Variants in RFX7 observed in about 807,000 individuals in gnomAD.
The protein encoded by RFX7 is DNA-binding protein RFX7.
RFX7 carries 26 observed loss-of-function variants against 111.8 expected under a neutral mutation model. The observed-to-expected ratio is 0.23, with a 90% CI of 0.17 to 0.32. RFX7 has a LOEUF of 0.32. Ranked by LOEUF, RFX7 falls within the 10% of genes least tolerant of loss-of-function variation. The pLI is 1.00. For missense variants in RFX7, 1,573 were observed against 1,772.9 expected (o/e 0.89, Z 2.02); for synonymous variants, 624 against 624.4 (o/e 1.00, Z 0.01).
intron 2 of RFX7, among the ~76,000 whole-genome samples, chr15:56,237,654 T>C (rs555504853): frequency 6.6e-6 from 1 of 152,336 alleles, no homozygotes; most frequent in Admixed American, 6.5e-5. Flanking sequence ...CATACCATCA[T>C]TCAAGACACC....
rs2041765235 is a variant in RFX7, at chr15:56,102,331, A to T, written c.519-78T>A. On this transcript the variant is annotated intron_variant, in intron 6 of 9. Coordinates refer to ENST00000559447, the MANE Select transcript of RFX7 (RefSeq NM_022841.7). ...GACAGCACTTTAAAAGTAACCATATATGAAATGAGAAAAAAAAATCAACAT... is the reference window on the plus strand; with the variant it reads ...GACAGCACTTTAAAAGTAACCATATTTGAAATGAGAAAAAAAAATCAACAT... 9.0e-6 allele frequency: 7 copies of T among 775,370 alleles called. No homozygotes were observed. In the African/African-American group the frequency reaches 1.1e-4, roughly 12 times the overall value. The allele number at this position is 775,370 out of a possible 1,614,324, so 48.0% of individuals were successfully genotyped here.
rs184940747 is a variant in RFX7 at position 56,181,688 on chromosome 15, A to C, written c.162-2385T>G. Among the ~76,000 whole-genome samples the C allele has an allele frequency of 4.6e-3, 700 of 152,328 alleles. 9 individuals are homozygous for C. The highest frequency in any genetic ancestry group is 0.011 in the Admixed American group (167 of 15,304). On this transcript the variant is annotated intron_variant, in intron 2 of 9. Coordinates refer to ENST00000559447, the MANE Select transcript of RFX7 (RefSeq NM_022841.7). ...AAATGAAATGTTTATTTTATAACAT[A>C]TAGATCTCAATATATTTTCATTCTA...
Position 56,092,805 on chromosome 15 carries a change from G to C in RFX7, c.*540C>G, listed in dbSNP as rs2041613769. 1 of 152,342 alleles carries C rather than the reference G, an allele frequency of 6.6e-6. No homozygotes were observed. The highest frequency in any genetic ancestry group is 1.5e-5 in the Non-Finnish European group (1 of 68,014). The allele number at this position is 152,342 out of a possible 1,614,324, so 9.4% of individuals were successfully genotyped here. On this transcript the variant is annotated 3_prime_UTR_variant, in exon 10 of 10. Transcript: ENST00000559447. ...TAAGCCCTTCATCGTGGGTGTAAAT[G>C]GTACTGAAGCCCCAGAAAGTCCTAC...
intron 5 of RFX7, among the ~76,000 whole-genome samples, chr15:56,114,081 CAA>C (rs1230993751): frequency 2.4e-4 from 37 of 152,202 alleles, no homozygotes; most frequent in African/African-American, 8.4e-4. Flanking sequence ...GAAAACTCTT[CAA>C]AAGTGCCTGA....
chr15:56,244,288 T>A (rs1377044216), upstream of RFX7: 1 of 152,268 alleles, frequency 6.6e-6, no homozygotes, highest in Non-Finnish European at 1.5e-5. Context: ...GGTAAGACGA[T>A]AAACTGACTT....
Position 56,093,940 on chromosome 15 carries a change from T to C in RFX7, c.3788A>G (p.Asp1263Gly), listed in dbSNP as rs1482850364. ...GTTCATTCCCAAACCTCTCACTGCA[T>C]CATCATTGTCGGAATCAAGTTTACT... ...LLSKLDSDND[D>G]AVRGLGMNNL... Residue 1263 changes from aspartate to glycine, a missense_variant, in exon 10 of 10, where the codon GAT (aspartate) becomes GGT (glycine). By Grantham distance (94) the Asp-to-Gly change is moderately conservative. Transcript: ENST00000559447. 30 of 1,613,880 alleles carry C rather than the reference T, an allele frequency of 1.9e-5. No homozygotes were observed. Among genetic ancestry groups the C allele is most frequent in the Non-Finnish European group, 2.5e-5 (29 of 1,179,878 alleles).
intron 3 of RFX7, among the ~76,000 whole-genome samples, chr15:56,154,594 C>G (rs140570768): frequency 0.013 from 1,919 of 152,290 alleles, 16 homozygotes; most frequent in Non-Finnish European, 0.021. Flanking sequence ...AAAGCTGAAA[C>G]TGGATCCCTT....
intron 5 of RFX7, among the ~76,000 whole-genome samples, chr15:56,111,510 A>C (rs1335292487): frequency 1.3e-4 from 19 of 151,600 alleles, no homozygotes; most frequent in East Asian, 3.9e-4. Context: ...ACAAACACTG[A>C]GGAAGGCCGC....
chr15:56,141,147 C>A (rs899985188), intron 5 of RFX7, among the ~76,000 whole-genome samples: 1 of 152,020 alleles, frequency 6.6e-6, no homozygotes. Context: ...TAAAAGAAAC[C>A]TCAGTTTGGG....
chr15:56,129,081 A>G (rs1475642249), intron 5 of RFX7, among the ~76,000 whole-genome samples: 1 of 152,148 alleles, frequency 6.6e-6, no homozygotes, highest in East Asian at 1.9e-4. Context: ...ATTTTTTCCT[A>G]GGTTAAAAAC....
At chr15:56,142,638 G>C (rs1217626550) in intron 5 of RFX7, 140 bp downstream of exon 5, 1 of 714,052 alleles carries the variant, frequency 1.4e-6, no homozygotes, top group Non-Finnish European at 2.2e-6. Flanking sequence ...CTTAGAGCTG[G>C]AATGAATCTT....
chr15:56,196,447 T>C (rs1302832651), intron 2 of RFX7, among the ~76,000 whole-genome samples: 2 of 152,122 alleles, frequency 1.3e-5, no homozygotes, highest in African/African-American at 4.8e-5. Flanking sequence ...TATCACTCTT[T>C]TTTTTAAAAA....
intron 9 of RFX7, among the ~76,000 whole-genome samples, chr15:56,097,205 A>C (rs1264885362): frequency 6.6e-6 from 1 of 152,234 alleles, no homozygotes; most frequent in Non-Finnish European, 1.5e-5. Flanking sequence ...CAATAATAAC[A>C]TAAAGCACCA....
chr15:56,203,742 C>T (rs1266740535), intron 2 of RFX7, among the ~76,000 whole-genome samples: 1 of 152,152 alleles, frequency 6.6e-6, no homozygotes, highest in East Asian at 1.9e-4. Flanking sequence ...TTTACAAATG[C>T]CACGGCAATG....
chr15:56,237,914 G>C (rs2043643067), intron 2 of RFX7, among the ~76,000 whole-genome samples: 1 of 152,144 alleles, frequency 6.6e-6, no homozygotes, highest in African/African-American at 2.4e-5. Context: ...TAAGTCTTTT[G>C]TGTGCTTGGT....
Position 56,088,723 on chromosome 15 carries a change from T to G in RFX7, c.*4622A>C, listed in dbSNP as rs1288420038. On this transcript the variant is annotated 3_prime_UTR_variant, in exon 10 of 10. Transcript: ENST00000559447. ...ATTTAACAAAATAAAAAGTTTGGTC[T>G]TTTCTTATGCTGTAGGAGCTGAGGC... 6.6e-6 allele frequency: 1 copy of G among 152,202 alleles called. No individual in the cohort carries two copies. Among genetic ancestry groups the G allele is most frequent in the Non-Finnish European group, 1.5e-5 (1 of 68,030 alleles). 9.4% of individuals were successfully genotyped at this position (152,202 alleles called of 1,614,324 possible).
chr15:56,130,018 A>T (rs1204693224), intron 5 of RFX7, among the ~76,000 whole-genome samples: 1 of 152,218 alleles, frequency 6.6e-6, no homozygotes, highest in Non-Finnish European at 1.5e-5. Flanking sequence ...AATTTTATTG[A>T]AACTCTACTA....
intron 2 of RFX7, among the ~76,000 whole-genome samples, chr15:56,234,597 T>C (rs2043602641): frequency 6.6e-6 from 1 of 152,244 alleles, no homozygotes; most frequent in Admixed American, 6.5e-5. Flanking sequence ...AAGCATCTTG[T>C]TGGAATACGT....
intron 5 of RFX7, among the ~76,000 whole-genome samples, chr15:56,135,626 C>T (rs1358887557): frequency 2.0e-5 from 3 of 152,004 alleles, no homozygotes; most frequent in Non-Finnish European, 2.9e-5. Context: ...TTAATTAGAT[C>T]CCATTTGTCA....
Sources: gnomAD v4.1 joint callset for allele counts (sites outside exome capture counted in the v4.1 genomes callset) on GRCh38, gnomAD v4.1.1 for gene constraint, MANE v1.5 for transcripts, NCBI Gene and HGNC (gene_info 2026-07-23, HGNC 2026-07-21) for gene names.